Variants in TOM1 observed in about 807,000 individuals in gnomAD.
TOM1 encodes target of Myb protein 1.
TOM1 carries 38 observed loss-of-function variants against 61.3 expected under a neutral mutation model. The ratio of observed to expected loss-of-function variants is 0.62; its 90% CI spans 0.48 to 0.81. The LOEUF is 0.81. Ranked by LOEUF, TOM1 falls within the 40% of genes least tolerant of loss-of-function variation. The probability of loss-of-function intolerance (pLI) is 0.00; values close to 1 mark genes in which losing one functional copy is unlikely to be tolerated. For synonymous variants in TOM1, 270 were observed against 268.8 expected (o/e 1.00, Z -0.04); for missense variants, 591 against 659.6 (o/e 0.90, Z 1.14).
At chr22:35,306,521 C>T (rs1213226640) in intron 1 of TOM1, among the ~76,000 whole-genome samples, 1 of 152,180 alleles carries the variant, frequency 6.6e-6, no homozygotes, top group Non-Finnish European at 1.5e-5. Context: ...GAGCTTGAGT[C>T]AGACTGAATG....
At chr22:35,332,581 C>T (rs1192427725) in intron 8 of TOM1, among the ~76,000 whole-genome samples, 1 of 96,696 alleles carries the variant, frequency 1.0e-5, no homozygotes, top group East Asian at 2.5e-4. Context: ...CTGAAGAGAG[C>T]ACTAACACAC....
rs978367604 is a variant in TOM1, at chr22:35,330,448, C to T, written c.867C>T (p.Asp289=). The part of the protein sequence containing the change: ...QLTEELLIVN[D]NLNNVFLRHE... ...CAGAGGAGCTGCTCATCGTCAATGA[C>T]AATCTCAACAATGTGTTCCTGCGCC... Residue 289 remains aspartate, a synonymous_variant, in exon 8 of 15, where the codon GAC becomes GAT. Coordinates refer to ENST00000449058, the MANE Select transcript of TOM1 (RefSeq NM_005488.3). 6.2e-7 allele frequency: 1 copy of T among 1,613,166 alleles called. No homozygotes were observed. The highest frequency in any genetic ancestry group is 1.3e-5 in the African/African-American group (1 of 74,866).
At chr22:35,337,543 G>A (rs1419037155) in intron 11 of TOM1, among the ~76,000 whole-genome samples, 1 of 152,218 alleles carries the variant, frequency 6.6e-6, no homozygotes, top group African/African-American at 2.4e-5. Flanking sequence ...CTCTGCCCCT[G>A]GTGGGAAGGA....
chr22:35,302,884 G>C (rs1168421011), intron 1 of TOM1, among the ~76,000 whole-genome samples: 1 of 152,146 alleles, frequency 6.6e-6, no homozygotes, highest in Non-Finnish European at 1.5e-5. Flanking sequence ...AAGAGGCGGA[G>C]GAAGTACTGC....
intron 1 of TOM1, among the ~76,000 whole-genome samples, chr22:35,308,326 C>G (rs1926521993): frequency 1.3e-5 from 2 of 148,620 alleles, no homozygotes; most frequent in African/African-American, 5.0e-5. Flanking sequence ...CTCTGTTTCC[C>G]AGGCTGGAGT....
chr22:35,337,752 C>T (rs1039761239), intron 11 of TOM1, among the ~76,000 whole-genome samples: 3 of 152,266 alleles, frequency 2.0e-5, no homozygotes, highest in African/African-American at 7.2e-5. Context: ...TTGTTCCTAA[C>T]AGGAATCGCA....
intron 1 of TOM1, 72 bp downstream of exon 1, chr22:35,300,052 C>T: frequency 3.3e-6 from 5 of 1,521,902 alleles, no homozygotes; most frequent in Non-Finnish European, 4.4e-6. Context: ...GGGAAGCCTC[C>T]GGGTGCCTAG....
chr22:35,343,233 CAT>C (rs1930084364), intron 12 of TOM1, among the ~76,000 whole-genome samples: 1 of 140,446 alleles, frequency 7.1e-6, no homozygotes, highest in Admixed American at 7.1e-5. Context: ...ACCACACACA[CAT>C]CTACACCCAC....
At chr22:35,336,373 G>T (rs971307814) in intron 11 of TOM1, among the ~76,000 whole-genome samples, 5 of 152,118 alleles carry the variant, frequency 3.3e-5, no homozygotes, top group African/African-American at 9.7e-5. Context: ...GCTCCTCCCT[G>T]TACCTGCCTG....
chr22:35,323,572 G>A lies in TOM1; in HGVS notation c.443G>A (p.Gly148Asp). The A allele has an allele frequency of 6.2e-7, 1 of 1,614,112 alleles. No individual in the cohort carries two copies. Among genetic ancestry groups the A allele is most frequent in the South Asian group, 1.1e-5 (1 of 91,082 alleles). Residue 148 changes from glycine to aspartate, a missense_variant, in exon 5 of 15, where the codon GGC (glycine) becomes GAC (aspartate). By Grantham distance (94) the Gly-to-Asp change is moderately conservative (BLOSUM62 -1). Coordinates refer to ENST00000449058, the MANE Select transcript of TOM1 (RefSeq NM_005488.3). This position sits in a 1 kb window ranked among gnomAD's most constrained non-coding sequence, Gnocchi z 4.2. ...ATCTATGAGGACCTGCGGAGGAAAG[G>A]CCTGGAGTTCCCCATGACTGACCTG... is the stretch of plus-strand genomic sequence containing the variant. ...VTIYEDLRRKGLEFPMTDLDM... is the reference protein window; with the variant it reads ...VTIYEDLRRKDLEFPMTDLDM...
chr22:35,334,471 G>C, intron 11 of TOM1, 23 bp downstream of exon 11: 1 of 1,613,144 alleles, frequency 6.2e-7, no homozygotes, highest in East Asian at 2.2e-5. Flanking sequence ...GCCCTGCCCT[G>C]GTCCCCTGCA....
intron 8 of TOM1, chr22:35,331,378 T>C (rs149431001): frequency 3.7e-5 from 17 of 453,742 alleles, no homozygotes; most frequent in South Asian, 1.4e-4. Flanking sequence ...TCCGAAAGCA[T>C]TGGTATTACA....
intron 1 of TOM1, among the ~76,000 whole-genome samples, chr22:35,300,483 G>A (rs1925652203): frequency 6.6e-6 from 1 of 152,214 alleles, no homozygotes; most frequent in African/African-American, 2.4e-5. Context: ...GGGGCCCAGC[G>A]CCGGACAGCC....
At chr22:35,339,928 T>C (rs551331483) in intron 12 of TOM1, among the ~76,000 whole-genome samples, 20 of 149,746 alleles carry the variant, frequency 1.3e-4, no homozygotes, top group African/African-American at 4.9e-4. Flanking sequence ...GAGCGGACCC[T>C]AAAGCAGCGG....
chr22:35,317,279 T>G (rs1017587297), intron 1 of TOM1, among the ~76,000 whole-genome samples: 9 of 152,170 alleles, frequency 5.9e-5, no homozygotes, highest in African/African-American at 1.9e-4. Context: ...AACCTCCGCC[T>G]CCTGGGATCA....
At chr22:35,333,551 C>A in intron 10 of TOM1, 54 bp downstream of exon 10, 4 of 1,548,466 alleles carry the variant, frequency 2.6e-6, no homozygotes, top group Non-Finnish European at 3.6e-6. Flanking sequence ...ACTGTGGGCA[C>A]CCCTGCAGAT....
rs2075935 is a variant in TOM1, at chr22:35,333,614, C to T, written c.1027+117C>T. On this transcript the variant is annotated intron_variant, in intron 10 of 14. Coordinates refer to ENST00000449058, the MANE Select transcript of TOM1 (RefSeq NM_005488.3). ...CAGCAGAGTGTCAGTCTGGACCCCA[C>T]CTTGCTGGGGTCCCAGGCTGAATCT... 3,762 of 907,112 alleles carry T rather than the reference C, an allele frequency of 4.1e-3. 137 individuals carry two copies. The East Asian group carries it at 0.072, about 17-fold the overall frequency. The allele number at this position is 907,112 out of a possible 1,614,324, so 56.2% of individuals were successfully genotyped here.
intron 12 of TOM1, 69 bp from the exon 13 acceptor site, chr22:35,345,656 G>A: frequency 6.6e-7 from 1 of 1,512,014 alleles, no homozygotes; most frequent in Non-Finnish European, 9.2e-7. Context: ...CCAGCTGCAG[G>A]GTGCTGAGCT....
chr22:35,319,420 T>C (rs1487662358), intron 2 of TOM1, among the ~76,000 whole-genome samples: 1 of 152,196 alleles, frequency 6.6e-6, no homozygotes, highest in Non-Finnish European at 1.5e-5. Flanking sequence ...GTTGCTAAAG[T>C]GTCTCCCCCA....
Sources: allele counts gnomAD v4.1 joint callset (sites outside exome capture counted in the v4.1 genomes callset), GRCh38; gene constraint gnomAD v4.1.1; non-coding constraint Gnocchi (gnomAD v3.1); transcripts MANE v1.5; gene names NCBI Gene and HGNC (gene_info 2026-07-23, HGNC 2026-07-21).